Variants in INPP4B observed in about 807,000 individuals in gnomAD.
The protein encoded by INPP4B is inositol polyphosphate-4-phosphatase type II B.
A neutral mutation model predicts 122.5 loss-of-function variants in INPP4B; 55 were observed. The ratio of observed to expected loss-of-function variants is 0.45; its 90% CI spans 0.36 to 0.56. The LOEUF is 0.56. Ranked by LOEUF, INPP4B falls within the 20% of genes least tolerant of loss-of-function variation. INPP4B has a pLI of 0.00. For missense variants in INPP4B, 1,000 were observed against 1,097.7 expected (o/e 0.91, Z 1.26); for synonymous variants, 403 against 388.7 (o/e 1.04, Z -0.43).
intron 2 of INPP4B, among the ~76,000 whole-genome samples, chr4:142,473,596 C>A (rs1819281687): frequency 6.6e-6 from 1 of 152,082 alleles, no homozygotes; most frequent in Non-Finnish European, 1.5e-5. Context: ...AGCACAATAG[C>A]CCCAACAGAG....
intron 2 of INPP4B, among the ~76,000 whole-genome samples, chr4:142,614,094 T>C (rs1008563314): frequency 6.6e-6 from 1 of 152,004 alleles, no homozygotes; most frequent in Non-Finnish European, 1.5e-5. Flanking sequence ...CACAGATCAA[T>C]GGAACAGAAC....
chr4:142,589,490 A>G (rs893618689), intron 2 of INPP4B, among the ~76,000 whole-genome samples: 9 of 152,088 alleles, frequency 5.9e-5, no homozygotes, highest in Non-Finnish European at 1.0e-4. Context: ...AGCTCATCAA[A>G]AAAAGGAATA....
At chr4:142,030,625 A>G (rs746396385) in intron 25 of INPP4B, among the ~76,000 whole-genome samples, 20 of 152,156 alleles carry the variant, frequency 1.3e-4, no homozygotes, top group Non-Finnish European at 2.4e-4. Context: ...CCAAATCAAG[A>G]CTTTATGAAT....
At chr4:142,420,497 C>G (rs549538080) in intron 5 of INPP4B, among the ~76,000 whole-genome samples, 49 of 152,174 alleles carry the variant, frequency 3.2e-4, no homozygotes, top group South Asian at 3.1e-3. Flanking sequence ...AAACCACTAC[C>G]CACCCGACAG....
intron 5 of INPP4B, chr4:142,425,144 A>G (rs948617142): frequency 2.0e-5 from 3 of 152,082 alleles, no homozygotes; most frequent in Non-Finnish European, 4.4e-5. Flanking sequence ...ACAGCTCCAC[A>G]AAAGGCAAAA....
intron 2 of INPP4B, among the ~76,000 whole-genome samples, chr4:142,503,947 A>G (rs1823697791): frequency 6.6e-6 from 1 of 152,018 alleles, no homozygotes; most frequent in South Asian, 2.1e-4. Context: ...AACAAATTCC[A>G]TATTTGTTAT....
intron 2 of INPP4B, among the ~76,000 whole-genome samples, chr4:142,721,845 T>C (rs1270399393): frequency 2.6e-5 from 4 of 151,978 alleles, no homozygotes; most frequent in Non-Finnish European, 5.9e-5. Flanking sequence ...CATAAAAGCA[T>C]AGTAGGTTCT....
rs1162460324 is a variant in INPP4B at position 142,665,507 on chromosome 4, A to AG, written c.-191+60331_-191+60332insC. On this transcript the variant is annotated intron_variant, in intron 2 of 25. Coordinates refer to ENST00000262992, the MANE Select transcript of INPP4B (RefSeq NM_001101669.3). The stretch of plus-strand genomic sequence containing the variant: ...AGACTCTGTCTCAAAAAAAAAAAAA[A>AG]AAAGAAAGAAAGAAAGAAAAAGAAA... Among the ~76,000 whole-genome samples the AG allele has an allele frequency of 6.5e-3, 971 of 149,890 alleles. 9 individuals carry two copies. Among genetic ancestry groups the AG allele is most frequent in the African/African-American group, 0.021 (842 of 40,228 alleles).
intron 2 of INPP4B, among the ~76,000 whole-genome samples, chr4:142,503,910 T>C (rs529990471): frequency 4.6e-5 from 7 of 152,056 alleles, no homozygotes; most frequent in Non-Finnish European, 8.8e-5. Context: ...AAAAATTATT[T>C]ATTCCCATCC....
At chr4:142,757,699 G>C (rs1030332511) in intron 1 of INPP4B, among the ~76,000 whole-genome samples, 254 of 151,070 alleles carry the variant, frequency 1.7e-3, no homozygotes, top group African/African-American at 5.9e-3. Flanking sequence ...AAGGCACCTT[G>C]GTTGCTTCCA....
intron 18 of INPP4B, among the ~76,000 whole-genome samples, chr4:142,140,626 T>A (rs1807275260): frequency 6.6e-6 from 1 of 152,200 alleles, no homozygotes; most frequent in Non-Finnish European, 1.5e-5. Context: ...AGGTATTTAT[T>A]AGAGTGTACT....
At chr4:142,081,308 T>A (rs1363056435) in intron 25 of INPP4B, among the ~76,000 whole-genome samples, 1 of 152,192 alleles carries the variant, frequency 6.6e-6, no homozygotes, top group Non-Finnish European at 1.5e-5. Context: ...CAATTTCGCT[T>A]AACTTTTTAA....
intron 2 of INPP4B, among the ~76,000 whole-genome samples, chr4:142,631,757 G>GAAGC (rs1322550942): frequency 1.3e-5 from 2 of 152,160 alleles, no homozygotes; most frequent in Non-Finnish European, 2.9e-5. Context: ...CAGAAAAAAG[G>GAAGC]AAGCTGAACA....
At chr4:142,127,525 C>G (rs1042228483) in intron 18 of INPP4B, among the ~76,000 whole-genome samples, 1 of 151,622 alleles carries the variant, frequency 6.6e-6, no homozygotes, top group South Asian at 2.1e-4. Flanking sequence ...GAAGTGGAAA[C>G]CCAGGATAAA....
intron 2 of INPP4B, among the ~76,000 whole-genome samples, chr4:142,653,252 C>T (rs987087300): frequency 1.3e-5 from 2 of 152,236 alleles, no homozygotes; most frequent in South Asian, 4.1e-4. Context: ...AAATGTTACA[C>T]CTAAAGCCAT....
chr4:142,823,513 T>C (rs959072842), intron 1 of INPP4B, among the ~76,000 whole-genome samples: 2 of 152,168 alleles, frequency 1.3e-5, no homozygotes, highest in Non-Finnish European at 1.5e-5. Flanking sequence ...TAATATGTAG[T>C]CTTTTTGAAA....
rs115162087 is a variant in INPP4B, at chr4:142,520,829, G to A, written c.-190-58103C>T. Among the ~76,000 whole-genome samples the A allele has an allele frequency of 7.1e-3, 1,080 of 152,032 alleles. 14 individuals are homozygous for A. Among genetic ancestry groups the A allele is most frequent in the African/African-American group, 0.025 (1,022 of 41,552 alleles). The stretch of plus-strand genomic sequence containing the variant: ...TGTTGAAATAAATGAATGAATAAAT[G>A]AAGGACAGATGTCTACAGAAACAGG... On this transcript the variant is annotated intron_variant, in intron 2 of 25. Coordinates refer to ENST00000262992, the MANE Select transcript of INPP4B (RefSeq NM_001101669.3).
chr4:142,411,919 T>C (rs1804681031), intron 5 of INPP4B, among the ~76,000 whole-genome samples: 1 of 151,848 alleles, frequency 6.6e-6, no homozygotes, highest in Non-Finnish European at 1.5e-5. Context: ...ACCCAGAGCT[T>C]TAGGGAAATA....
intron 2 of INPP4B, among the ~76,000 whole-genome samples, chr4:142,625,739 A>G (rs1580540073): frequency 6.6e-6 from 1 of 152,312 alleles, no homozygotes; most frequent in African/African-American, 2.4e-5. Context: ...ACTATACTAC[A>G]ATGCAACAGT....
Sources: gnomAD v4.1 joint callset for allele counts (sites outside exome capture counted in the v4.1 genomes callset) on GRCh38, gnomAD v4.1.1 for gene constraint, MANE v1.5 for transcripts, NCBI Gene and HGNC (gene_info 2026-07-23, HGNC 2026-07-21) for gene names.